GIGYF2: variants seen among roughly 807,000 people sequenced by gnomAD.
GIGYF2 encodes GRB10 interacting GYF protein 2, also known as GRB10-interacting GYF protein 2.
GIGYF2 carries 25 observed loss-of-function variants against 208.1 expected under a neutral mutation model. That is an observed-to-expected ratio of 0.12 (90% CI 0.09 to 0.17). GIGYF2 has a LOEUF of 0.17. Among genes scored for constraint, GIGYF2 ranks in the 10% least tolerant of loss-of-function variants. GIGYF2 has a pLI of 1.00. For synonymous variants in GIGYF2, 534 were observed against 543.8 expected (o/e 0.98, Z 0.25); for missense variants, 1,302 against 1,579.4 (o/e 0.82, Z 2.98).
chr2:232,834,547 G>C (rs1701522011), intron 22 of GIGYF2, among the ~76,000 whole-genome samples: 1 of 152,148 alleles, frequency 6.6e-6, no homozygotes, highest in African/African-American at 2.4e-5. Flanking sequence ...AATCTACTCA[G>C]AATTCATGGT....
At chr2:232,740,569 C>T (rs1367126578) in intron 3 of GIGYF2, among the ~76,000 whole-genome samples, 1 of 152,162 alleles carries the variant, frequency 6.6e-6, no homozygotes, top group African/African-American at 2.4e-5. Context: ...ATATTTGCGC[C>T]TTGCCCAAGA....
chr2:232,779,622 G>T (rs1699643605), intron 8 of GIGYF2, among the ~76,000 whole-genome samples: 2 of 152,290 alleles, frequency 1.3e-5, no homozygotes, highest in Non-Finnish European at 2.9e-5. Flanking sequence ...ATTTCAGGCA[G>T]CCTCTGGGTA....
chr2:232,784,386 C>CT (rs10645449), intron 8 of GIGYF2, among the ~76,000 whole-genome samples: 965 of 92,254 alleles, frequency 0.01, 77 homozygotes, highest in African/African-American at 0.022. Context: ...GAAATAATTT[C>CT]TTTTTTTTTT....
At chr2:232,824,851 T>G (rs1701201667) in intron 21 of GIGYF2, among the ~76,000 whole-genome samples, 1 of 152,232 alleles carries the variant, frequency 6.6e-6, no homozygotes, top group Non-Finnish European at 1.5e-5. Flanking sequence ...TGACTCTCTT[T>G]TTAGGGGCTA....
chr2:232,819,800 C>A (rs1347672720), intron 20 of GIGYF2, 27 bp from the exon 21 acceptor site: 6 of 304,148 alleles, frequency 2.0e-5, no homozygotes, highest in East Asian at 1.4e-4. Context: ...CCTCCCCCAC[C>A]CCCCACCCTC....
intron 3 of GIGYF2, among the ~76,000 whole-genome samples, chr2:232,746,920 T>C (rs1484336820): frequency 6.6e-6 from 1 of 152,214 alleles, no homozygotes; most frequent in African/African-American, 2.4e-5. Context: ...CTTTTGCAGA[T>C]ATAACCTTAT....
intron 3 of GIGYF2, among the ~76,000 whole-genome samples, chr2:232,741,358 T>TATCACCTTAGTGAAAGTTGCC (rs961739415): frequency 1.3e-5 from 2 of 152,214 alleles, no homozygotes; most frequent in Non-Finnish European, 2.9e-5. Flanking sequence ...TCTCTATTGC[T>TATCACCTTAGTGAAAGTTGCC]ATCACCTTAG....
chr2:232,745,263 G>T (rs1021007794), intron 3 of GIGYF2, among the ~76,000 whole-genome samples: 1 of 152,128 alleles, frequency 6.6e-6, no homozygotes, highest in Non-Finnish European at 1.5e-5. Context: ...AACCCAGGTT[G>T]TGGTATTTCT....
intron 9 of GIGYF2, among the ~76,000 whole-genome samples, chr2:232,789,700 C>G (rs1360175162): frequency 1.3e-5 from 2 of 152,076 alleles, no homozygotes; most frequent in Non-Finnish European, 2.9e-5. Context: ...ACATTTAACT[C>G]TGGCCACATT....
intron 8 of GIGYF2, among the ~76,000 whole-genome samples, chr2:232,777,556 G>A (rs186197743): frequency 1.3e-5 from 2 of 152,104 alleles, no homozygotes; most frequent in Admixed American, 1.3e-4. Flanking sequence ...AATTATTAAT[G>A]TAGACCAATA....
At chr2:232,753,785 T>C (rs888024183) in intron 5 of GIGYF2, among the ~76,000 whole-genome samples, 1 of 152,104 alleles carries the variant, frequency 6.6e-6, no homozygotes, top group African/African-American at 2.4e-5. Context: ...CTCTCCGTGT[T>C]CCTAATTACA....
At chr2:232,787,990 G>A (rs1699966767) in intron 9 of GIGYF2, 2 of 155,914 alleles carry the variant, frequency 1.3e-5, no homozygotes, top group African/African-American at 4.8e-5. Context: ...AGTTCATCCT[G>A]TACCACAGTG....
chr2:232,802,568 T>G (rs1313609440), intron 14 of GIGYF2, among the ~76,000 whole-genome samples: 1 of 152,224 alleles, frequency 6.6e-6, no homozygotes, highest in Non-Finnish European at 1.5e-5. Flanking sequence ...TGAACCATCC[T>G]TGCATTCTAG....
At chr2:232,769,505 C>CAA (rs34912964) in intron 8 of GIGYF2, among the ~76,000 whole-genome samples, 115 of 66,156 alleles carry the variant, frequency 1.7e-3, no homozygotes, top group Non-Finnish European at 2.5e-3. Flanking sequence ...GACTCCATCT[C>CAA]AAAAAAAAAA....
At chr2:232,778,923 T>C (rs961327814) in intron 8 of GIGYF2, among the ~76,000 whole-genome samples, 7 of 152,192 alleles carry the variant, frequency 4.6e-5, no homozygotes, top group African/African-American at 1.2e-4. Context: ...TCTTCCCTGA[T>C]TGATGAAATT....
chr2:232,790,540 C>G (rs1700039826), intron 9 of GIGYF2, among the ~76,000 whole-genome samples, 158 bp from the exon 10 acceptor site: 1 of 152,200 alleles, frequency 6.6e-6, no homozygotes, highest in South Asian at 2.1e-4. Flanking sequence ...ACTCTGAACT[C>G]TGAACTTCAT....
At chr2:232,767,618 T>A (rs576770690) in intron 8 of GIGYF2, 5 of 159,378 alleles carry the variant, frequency 3.1e-5, no homozygotes, top group African/African-American at 4.8e-5. Flanking sequence ...AATCTGTACT[T>A]TGTTGTTTTT....
rs142680480 is a variant in GIGYF2, at chr2:232,723,727, C to CTTTTTTTT, written c.-43-11413_-43-11406dup. On this transcript the variant is annotated intron_variant, in intron 2 of 28. Transcript: ENST00000373563. ...ACAGGTGTGAGCCACTGTGCCCGGC[C>CTTTTTTTT]TTTTTTTTTTTTTTTTTTTTTTGAG... Among the ~76,000 whole-genome samples the CTTTTTTTT allele has an allele frequency of 6.1e-5, 4 of 65,510 alleles. 1 individual carries two copies. Among genetic ancestry groups the CTTTTTTTT allele is most frequent in the Admixed American group, 2.1e-4 (1 of 4,848 alleles). 43.0% of individuals were successfully genotyped at this position (65,510 alleles called of 152,430 possible).
chr2:232,724,317 T>TA (rs2106278521), intron 2 of GIGYF2, among the ~76,000 whole-genome samples: 1 of 148,640 alleles, frequency 6.7e-6, no homozygotes, highest in South Asian at 2.2e-4. Context: ...CTTGGCCTCC[T>TA]AACGTGCTGG....
Sources: allele counts gnomAD v4.1 joint callset (sites outside exome capture counted in the v4.1 genomes callset), GRCh38; gene constraint gnomAD v4.1.1; transcripts MANE v1.5; gene names NCBI Gene and HGNC (gene_info 2026-07-23, HGNC 2026-07-21).